Variants in KCNMB4 observed in about 807,000 individuals in gnomAD.
KCNMB4 encodes potassium calcium-activated channel subfamily M regulatory beta subunit 4.
KCNMB4 carries 3 observed loss-of-function variants against 20.7 expected under a neutral mutation model. The ratio of observed to expected loss-of-function variants is 0.14; its 90% confidence interval spans 0.07 to 0.37. The LOEUF is 0.37. KCNMB4 is among the 10% of genes least tolerant of loss of function. The pLI is 1.00. For missense variants in KCNMB4, 168 were observed against 265.9 expected (o/e 0.63, Z 2.56); for synonymous variants, 110 against 113.4 (o/e 0.97, Z 0.19).
At chr12:70,423,522 C>T (rs576787758) in intron 2 of KCNMB4, among the ~76,000 whole-genome samples, 6 of 151,922 alleles carry the variant, frequency 3.9e-5, no homozygotes, top group African/African-American at 1.4e-4. Context: ...GGCTGGAATG[C>T]CGTGGTGCAA....
At chr12:70,404,625 G>A (rs7308623) in intron 2 of KCNMB4, among the ~76,000 whole-genome samples, 91,241 of 152,058 alleles carry the variant, frequency 0.6, 27,665 homozygotes, top group East Asian at 0.77. Context: ...GAATAGTGGT[G>A]GTGAAAGTAG....
intron 1 of KCNMB4, among the ~76,000 whole-genome samples, chr12:70,374,565 T>C (rs1046705609): frequency 4.7e-4 from 71 of 152,348 alleles, no homozygotes; most frequent in African/African-American, 1.6e-3. Context: ...CTTCTATTCT[T>C]TTAAAATAAC....
At chr12:70,430,362 C>G in intron 2 of KCNMB4, 123 bp from the exon 3 acceptor site, 2 of 994,948 alleles carry the variant, frequency 2.0e-6, no homozygotes, top group East Asian at 5.0e-5. Context: ...TGTTTATAGT[C>G]AGAGTGCAGC....
intron 1 of KCNMB4, among the ~76,000 whole-genome samples, chr12:70,382,418 A>G (rs965860546): frequency 2.8e-5 from 4 of 140,734 alleles, no homozygotes; most frequent in African/African-American, 8.3e-5. Flanking sequence ...GGGCGACAGA[A>G]CGAGACTCCG....
chr12:70,430,588 C>A lies in KCNMB4; in HGVS notation c.568C>A (p.Leu190Met), dbSNP rs1424226407. 5 of 1,613,720 alleles carry A rather than the reference C, an allele frequency of 3.1e-6. No individual in the cohort carries two copies. The highest frequency in any genetic ancestry group is 4.2e-6 in the Non-Finnish European group (5 of 1,179,950). Residue 190 changes from leucine to methionine, a missense_variant, in exon 3 of 3, where the codon CTG becomes ATG. Coordinates refer to ENST00000258111, the MANE Select transcript of KCNMB4 (RefSeq NM_014505.6). ...TGTGGTGGGCGTTCTCATTGTGGTC[C>A]TGACCATCTGTGCCAAGAGCTTGGC... is the stretch of plus-strand genomic sequence containing the variant. ...TFVVGVLIVV[L>M]TICAKSLAVK...
Position 70,366,700 on chromosome 12 carries a change from G to C in KCNMB4, c.-35G>C. On this transcript the variant is annotated 5_prime_UTR_variant, in exon 1 of 3. Transcript: ENST00000258111. ...CTCGGCGCCGGGGGCGGGAGGGGGC[G>C]GGGGGAGCACGCCAGCCGCCGAGAG... 6.8e-7 allele frequency: 1 copy of C among 1,467,392 alleles called. No individual in the cohort carries two copies. The highest frequency in any genetic ancestry group is 9.0e-7 in the Non-Finnish European group (1 of 1,105,736). 90.9% of individuals were successfully genotyped at this position (1,467,392 alleles called of 1,614,324 possible).
chr12:70,412,291 C>A (rs1485299820), intron 2 of KCNMB4, among the ~76,000 whole-genome samples: 8 of 152,170 alleles, frequency 5.3e-5, no homozygotes, highest in Admixed American at 5.2e-4. Flanking sequence ...AGGCATCATG[C>A]AGCTTTGAGG....
intron 2 of KCNMB4, among the ~76,000 whole-genome samples, chr12:70,406,285 G>T (rs887951525): frequency 1.3e-5 from 2 of 152,068 alleles, no homozygotes; most frequent in Admixed American, 6.5e-5. Context: ...ATTGAAGAGG[G>T]TATATCTCAT....
intron 1 of KCNMB4, among the ~76,000 whole-genome samples, chr12:70,380,376 T>C (rs1045044394): frequency 6.6e-6 from 1 of 152,070 alleles, no homozygotes; most frequent in African/African-American, 2.4e-5. Flanking sequence ...ATAACAGATA[T>C]AATAATCATG....
rs1296037753 is a variant in KCNMB4 at position 70,366,627 on chromosome 12, C to CGGCGGCGGCGGT, written c.-96_-85dup. 2.7e-6 allele frequency: 2 copies of CGGCGGCGGCGGT among 731,284 alleles called. No individual in the cohort carries two copies. The highest frequency in any genetic ancestry group is 1.9e-5 in the African/African-American group (1 of 51,982). The allele number at this position is 731,284 out of a possible 1,614,324, so 45.3% of individuals were successfully genotyped here. ...CGCCGCCCACTCCCCTGCTGTCGCG[C>CGGCGGCGGCGGT]GGCGGCGGCGGTGGCGGCGGCGGCT... is the stretch of plus-strand genomic sequence containing the variant. On this transcript the variant is annotated 5_prime_UTR_variant, in exon 1 of 3. Coordinates refer to ENST00000258111, the MANE Select transcript of KCNMB4 (RefSeq NM_014505.6).
intron 2 of KCNMB4, among the ~76,000 whole-genome samples, chr12:70,404,520 G>T (rs1868541682): frequency 6.6e-6 from 1 of 152,216 alleles, no homozygotes; most frequent in Non-Finnish European, 1.5e-5. Flanking sequence ...GCACACAACT[G>T]TTAAGTGCAA....
At position 70,430,465 on chromosome 12, in the gene KCNMB4, T is replaced by TA. The variant is rs757868666; in HGVS notation, c.465-19dup. ...AGGCATTTGACTGCCCTTTCTTTCT[T>TA]ATTCTCCATTGTCTTGCAGACCAGA... is the stretch of plus-strand genomic sequence containing the variant. On this transcript the variant is annotated intron_variant, in intron 2 of 2. Coordinates refer to ENST00000258111, the MANE Select transcript of KCNMB4 (RefSeq NM_014505.6). 2 of 1,612,072 alleles carry TA rather than the reference T, an allele frequency of 1.2e-6. No individual in the cohort carries two copies. Among genetic ancestry groups the TA allele is most frequent in the Admixed American group, 3.4e-5 (2 of 59,510 alleles).
chr12:70,426,896 C>T (rs1869230097), intron 2 of KCNMB4, among the ~76,000 whole-genome samples: 4 of 152,244 alleles, frequency 2.6e-5, no homozygotes, highest in Admixed American at 2.6e-4. Flanking sequence ...TCTATGGGTA[C>T]CCACAGTATT....
intron 2 of KCNMB4, among the ~76,000 whole-genome samples, chr12:70,405,842 T>G (rs1390573654): frequency 6.6e-6 from 1 of 152,122 alleles, no homozygotes; most frequent in African/African-American, 2.4e-5. Flanking sequence ...GCGGGAGGAT[T>G]GCTTGGGGCC....
chr12:70,374,699 T>G (rs1883655636), intron 1 of KCNMB4, among the ~76,000 whole-genome samples: 1 of 152,196 alleles, frequency 6.6e-6, no homozygotes, highest in Non-Finnish European at 1.5e-5. Context: ...TCCAACAGAT[T>G]AGGTTACTAG....
chr12:70,422,853 A>G, intron 2 of KCNMB4: 1 of 1,203,838 alleles, frequency 8.3e-7, no homozygotes. Context: ...ACACAGTGTG[A>G]GTAAAACCTT....
At chr12:70,383,352 C>CAAGTA (rs1454006655) in intron 1 of KCNMB4, among the ~76,000 whole-genome samples, 2 of 152,162 alleles carry the variant, frequency 1.3e-5, no homozygotes, top group Non-Finnish European at 2.9e-5. Flanking sequence ...TTCTGCCTAT[C>CAAGTA]AAGTTGGTAC....
chr12:70,414,723 A>T (rs1157896751), intron 2 of KCNMB4, among the ~76,000 whole-genome samples: 1 of 152,168 alleles, frequency 6.6e-6, no homozygotes, highest in Non-Finnish European at 1.5e-5. Context: ...CTCTCCCAAC[A>T]TTTGATTTAT....
intron 2 of KCNMB4, among the ~76,000 whole-genome samples, chr12:70,428,751 A>G (rs1869279172): frequency 6.6e-6 from 1 of 152,230 alleles, no homozygotes; most frequent in African/African-American, 2.4e-5. Context: ...ACAATGTCAT[A>G]GCCCTAATGG....
Sources: allele counts gnomAD v4.1 joint callset (sites outside exome capture counted in the v4.1 genomes callset), GRCh38; gene constraint gnomAD v4.1.1; transcripts MANE v1.5; gene names NCBI Gene and HGNC (gene_info 2026-07-23, HGNC 2026-07-21).